TMEM223: variants seen among roughly 807,000 people sequenced by gnomAD.
The protein encoded by TMEM223 is transmembrane protein 223.
A neutral mutation model predicts 14.1 loss-of-function variants in TMEM223; 14 were observed. The ratio of observed to expected loss-of-function variants is 0.99; its 90% confidence interval spans 0.66 to 1.55. The LOEUF (loss-of-function observed/expected upper bound fraction) is 1.55. TMEM223 is among the 40% of genes most tolerant of loss of function. The pLI, the probability that TMEM223 is intolerant of heterozygous loss-of-function variation, is 0.00. For synonymous variants in TMEM223, 145 were observed against 120.5 expected (o/e 1.20, Z -1.33); for missense variants, 346 against 269.9 (o/e 1.28, Z -1.97).
downstream of TMEM223, chr11:62,789,048 T>C: frequency 1.2e-6 from 2 of 1,614,108 alleles, no homozygotes; most frequent in Non-Finnish European, 1.7e-6. Context: ...AGATGTCCCC[T>C]GTATGGTGTG....
downstream of TMEM223, chr11:62,787,406 C>A: frequency 1.3e-6 from 2 of 1,555,832 alleles, no homozygotes; most frequent in Admixed American, 1.9e-5. Flanking sequence ...GCTGCTGCAG[C>A]GGCGCTTCCT....
chr11:62,782,828 G>A (rs202236001), downstream of TMEM223: 29 of 1,613,984 alleles, frequency 1.8e-5, no homozygotes, highest in Admixed American at 2.8e-4. Context: ...GCTGGAAGGT[G>A]AGCACCCTGG....
At chr11:62,778,347 T>C (rs1404390865) in intron 1 of TMEM223, 2 of 1,614,090 alleles carry the variant, frequency 1.2e-6, no homozygotes, top group Non-Finnish European at 1.7e-6. Context: ...TAAGGGGTGA[T>C]GTAGGAAACA....
intron 1 of TMEM223, among the ~76,000 whole-genome samples, chr11:62,780,703 G>A (rs530651647): frequency 5.3e-4 from 80 of 152,104 alleles, no homozygotes; most frequent in African/African-American, 1.9e-3. Flanking sequence ...GCCGAGGTGG[G>A]TGGATCATGT....
chr11:62,778,001 G>T, intron 1 of TMEM223: 1 of 1,614,202 alleles, frequency 6.2e-7, no homozygotes, highest in Non-Finnish European at 8.5e-7. Context: ...ACGGATCACA[G>T]GAGGCACTGC....
chr11:62,776,840 C>G lies in TMEM223; in HGVS notation c.315-2175G>C, dbSNP rs547658111. Among the ~76,000 whole-genome samples the G allele has an allele frequency of 6.1e-5, 8 of 130,094 alleles. No individual in the cohort carries two copies. The South Asian group carries it at 2.0e-3, about 33-fold the overall frequency. The allele number at this position is 130,094 out of a possible 152,430, so 85.3% of individuals were successfully genotyped here. On this transcript the variant is annotated intron_variant, in intron 1 of 2. Transcript: ENST00000528367. The stretch of plus-strand genomic sequence containing the variant: ...CCTGGGCAACAGAGCAAGACCCTGT[C>G]TCAAAAAAAGAAAAAAAAAAAAAAA...
At chr11:62,781,501 G>A (rs1251285593) in intron 1 of TMEM223, among the ~76,000 whole-genome samples, 1 of 151,472 alleles carries the variant, frequency 6.6e-6, no homozygotes, top group Non-Finnish European at 1.5e-5. Context: ...GTGAAACCCC[G>A]TCTCTACTAA....
At chr11:62,781,450 G>T (rs1336938932) in intron 1 of TMEM223, among the ~76,000 whole-genome samples, 1 of 152,040 alleles carries the variant, frequency 6.6e-6, no homozygotes, top group African/African-American at 2.4e-5. Flanking sequence ...GAGGTGGGCA[G>T]ATCACGAGGT....
At chr11:62,787,430 C>T (rs761488583), downstream of TMEM223, 45 of 1,562,760 alleles carry the variant, frequency 2.9e-5, 1 homozygote, top group South Asian at 4.5e-4. Flanking sequence ...GGTCAGGGCG[C>T]CATGGCGCTG....
At chr11:62,782,035 T>G in intron 1 of TMEM223, 2 of 1,597,634 alleles carry the variant, frequency 1.3e-6, no homozygotes, top group Non-Finnish European at 1.7e-6. Context: ...GGTGTAGGGC[T>G]CATGGCAAGT....
intron 1 of TMEM223, chr11:62,776,349 T>C (rs1590933267): frequency 8.1e-6 from 13 of 1,609,762 alleles, no homozygotes; most frequent in African/African-American, 2.7e-5. Context: ...CTGCTTCACA[T>C]CCTTTGACTC....
At chr11:62,782,846 C>A (rs374689162), downstream of TMEM223, 12 of 1,613,118 alleles carry the variant, frequency 7.4e-6, no homozygotes, top group African/African-American at 1.6e-4. Flanking sequence ...TGGCCTTTCT[C>A]ACACAGCCGT....
chr11:62,787,315 C>T (rs752585819), downstream of TMEM223: 3 of 1,526,700 alleles, frequency 2.0e-6, no homozygotes, highest in African/African-American at 1.4e-5. Context: ...CCCCTTCGTT[C>T]CTTGTAAATA....
downstream of TMEM223, chr11:62,786,082 A>G: frequency 1.4e-6 from 1 of 699,130 alleles, no homozygotes; most frequent in Non-Finnish European, 2.4e-6. Flanking sequence ...CCCAATGCCT[A>G]GCTTAGGTAT....
downstream of TMEM223, chr11:62,787,629 G>A (rs181800212): frequency 1.5e-6 from 2 of 1,370,072 alleles, no homozygotes; most frequent in East Asian, 2.5e-5. Flanking sequence ...GCTCGGAGCC[G>A]GTGGACCTGG....
Position 62,774,727 on chromosome 11 carries a change from A to G in TMEM223, c.315-62T>C, listed in dbSNP as rs979170971. On this transcript the variant is annotated intron_variant, in intron 1 of 2. Coordinates refer to the TMEM223 transcript ENST00000528367. ...AGCCAAACTGGGGAAGACCAAACACATAGGCAGAAAGCCCAGCTACTATCC... is the reference window on the plus strand; with the variant it reads ...AGCCAAACTGGGGAAGACCAAACACGTAGGCAGAAAGCCCAGCTACTATCC... 4 of 450,056 alleles carry G rather than the reference A, an allele frequency of 8.9e-6. No homozygotes were observed. In the East Asian group the frequency reaches 2.1e-4, roughly 24 times the overall value. 27.9% of individuals were successfully genotyped at this position (450,056 alleles called of 1,614,324 possible). A position where few individuals can be genotyped will look rare whatever the true frequency, so the allele number is the denominator to read the frequency against.
At chr11:62,772,517 T>C (rs2956989) in intron 2 of TMEM223, among the ~76,000 whole-genome samples, 14,983 of 120,172 alleles carry the variant, frequency 0.12, 1,832 homozygotes, top group African/African-American at 0.34. Flanking sequence ...AGCGAGACTG[T>C]GTCTCCAAAA....
chr11:62,786,288 T>G, downstream of TMEM223: 2 of 1,614,132 alleles, frequency 1.2e-6, no homozygotes, highest in Non-Finnish European at 1.7e-6. Context: ...TACCCACACC[T>G]GTCCACCTAC....
rs2084353320 is a variant in TMEM223, at chr11:62,790,877, G to A, written c.355C>T (p.Arg119Trp). The change falls in exon 2 of 2, where the codon CGG (arginine) becomes TGG (tryptophan). Residue 119 changes from arginine (R) to tryptophan (W), a missense_variant. Arg to Trp is a moderately radical substitution (Grantham distance 101). Transcript: ENST00000307366. The stretch of plus-strand genomic sequence containing the variant: ...CGAAGCACCACTGAGCGCACAGACC[G>A]GAGAGAGAAGAGAAGACCAGCACCG... The part of the protein sequence containing the change: ...VLGAGLLFSL[R>W]SVRSVVLRAG... 9 of 1,600,916 alleles carry A rather than the reference G, an allele frequency of 5.6e-6. No homozygotes were observed. The highest frequency in any genetic ancestry group is 2.2e-5 in the South Asian group (2 of 89,402).
Sources: gnomAD v4.1 joint callset for allele counts (sites outside exome capture counted in the v4.1 genomes callset) on GRCh38, gnomAD v4.1.1 for gene constraint, MANE v1.5 for transcripts, NCBI Gene and HGNC (gene_info 2026-07-23, HGNC 2026-07-21) for gene names.